Variants in GTF2I observed in about 807,000 individuals in gnomAD.
The protein encoded by GTF2I is general transcription factor II-I.
GTF2I carries 12 observed loss-of-function variants against 67.6 expected under a neutral mutation model. The observed-to-expected ratio is 0.18, with a 90% CI of 0.11 to 0.29. GTF2I has a LOEUF of 0.29. GTF2I is among the 10% of genes least tolerant of loss of function. The pLI, the probability that GTF2I is intolerant of heterozygous loss-of-function variation, is 1.00. For missense variants in GTF2I, 271 were observed against 580.1 expected, an observed-to-expected ratio of 0.47 and a Z score of 5.47; for synonymous variants, 149 against 197.0, an observed-to-expected ratio of 0.76 and a Z score of 2.04.
rs587677344 is a variant in GTF2I, at chr7:74,679,749, A to G, written c.-5-9375A>G. ...CACCACACCTGGCTGTAAAGAGGCA[A>G]TTTGGAATTTAGAGAGGGATTCTAG... On this transcript the variant is annotated intron_variant, in intron 1 of 34. Coordinates refer to ENST00000573035, the MANE Select transcript of GTF2I (RefSeq NM_032999.4). Among the ~76,000 whole-genome samples, 5 of 152,072 alleles carry G rather than the reference A, an allele frequency of 3.3e-5. No individual in the cohort carries two copies. In the South Asian group the frequency reaches 1.0e-3, roughly 32 times the overall value.
At chr7:74,692,841 CA>C (rs1788464127) in intron 3 of GTF2I, among the ~76,000 whole-genome samples, 1 of 152,132 alleles carries the variant, frequency 6.6e-6, no homozygotes, top group African/African-American at 2.4e-5. Context: ...CGGCTCACCG[CA>C]ACCTCTGCCT....
chr7:74,743,325 A>AAAAAT (rs1212846114), intron 19 of GTF2I, 124 bp from the exon 20 acceptor site: 16 of 253,646 alleles, frequency 6.3e-5, no homozygotes, highest in South Asian at 1.4e-4. Context: ...TCTGTCTCAA[A>AAAAAT]AAAATAAAAC....
chr7:74,676,503 A>G (rs868987100), intron 1 of GTF2I, among the ~76,000 whole-genome samples: 13 of 152,284 alleles, frequency 8.5e-5, no homozygotes, highest in Non-Finnish European at 8.8e-5. Context: ...CATTTTCTAT[A>G]GAAGCTACTC....
intron 3 of GTF2I, among the ~76,000 whole-genome samples, chr7:74,697,780 A>AT (rs1198062808): frequency 6.6e-6 from 1 of 151,534 alleles, no homozygotes; most frequent in Non-Finnish European, 1.5e-5. Flanking sequence ...TTTATTTTTT[A>AT]TTTTTTTGAG....
chr7:74,658,599 CG>C (rs1671776434), intron 1 of GTF2I, among the ~76,000 whole-genome samples: 1 of 149,944 alleles, frequency 6.7e-6, no homozygotes, highest in South Asian at 2.1e-4. Flanking sequence ...AGCAGACGCG[CG>C]GGATTGGCCA....
chr7:74,669,193 T>G (rs1396999505), intron 1 of GTF2I, among the ~76,000 whole-genome samples: 1 of 151,982 alleles, frequency 6.6e-6, no homozygotes, highest in African/African-American at 2.4e-5. Flanking sequence ...AAAGAATCTT[T>G]TAGTTTAGTT....
intron 3 of GTF2I, 152 bp downstream of exon 3, chr7:74,691,263 G>T (rs1235766184): frequency 1.7e-6 from 1 of 595,014 alleles, no homozygotes; most frequent in Non-Finnish European, 2.9e-6. Flanking sequence ...CTGGAGTGCA[G>T]TGGCACACTC....
intron 3 of GTF2I, 97 bp downstream of exon 3, chr7:74,691,208 CTTT>C (rs368243097): frequency 2.1e-3 from 1,374 of 654,668 alleles, no homozygotes; most frequent in East Asian, 3.1e-3. Flanking sequence ...TTCTTTCTTT[CTTT>C]TTTTTTTTTT....
chr7:74,708,992 G>A (rs998317149), intron 8 of GTF2I, among the ~76,000 whole-genome samples: 10 of 152,178 alleles, frequency 6.6e-5, no homozygotes, highest in Non-Finnish European at 1.2e-4. Context: ...AAATCCAGTC[G>A]CGAGCTATGT....
rs914174149 is a variant in GTF2I at position 74,711,249 on chromosome 7, G to A, written c.763+140G>A. ...GACATATATATTGTAATTCAGTCCC[G>A]GGGATAAAACATTTAAAAATGGGGC... On this transcript the variant is annotated intron_variant, in intron 9 of 34. Coordinates refer to ENST00000573035, the MANE Select transcript of GTF2I (RefSeq NM_032999.4). 8 of 466,150 alleles carry A rather than the reference G, an allele frequency of 1.7e-5. No homozygotes were observed. In the South Asian group the frequency reaches 1.8e-4, roughly 11 times the overall value. 28.9% of individuals were successfully genotyped at this position (466,150 alleles called of 1,614,324 possible).
chr7:74,727,194 C>T (rs1019971671), intron 12 of GTF2I: 1 of 152,154 alleles, frequency 6.6e-6, no homozygotes, highest in Non-Finnish European at 1.5e-5. Context: ...TTGATTAGCA[C>T]GGCCAGCCAG....
At chr7:74,665,164 A>C (rs1323422891) in intron 1 of GTF2I, among the ~76,000 whole-genome samples, 5 of 149,236 alleles carry the variant, frequency 3.4e-5, no homozygotes, top group Non-Finnish European at 5.9e-5. Context: ...CTGGTCTCGA[A>C]CTCCTGACCT....
chr7:74,733,898 T>C, intron 15 of GTF2I, 25 bp from the exon 16 acceptor site: 1 of 1,607,150 alleles, frequency 6.2e-7, no homozygotes, highest in Non-Finnish European at 8.5e-7. Context: ...CTAGTGATTA[T>C]TGAGTATTTA....
At chr7:74,722,388 G>A (rs1584277898) in intron 12 of GTF2I, among the ~76,000 whole-genome samples, 1 of 152,198 alleles carries the variant, frequency 6.6e-6, no homozygotes, top group African/African-American at 2.4e-5. Context: ...AAGGTGAATT[G>A]CCGTCAGGTA....
intron 1 of GTF2I, chr7:74,687,571 G>C: frequency 2.0e-6 from 2 of 983,794 alleles, no homozygotes; most frequent in Non-Finnish European, 2.4e-6. Context: ...TGTATGCTTC[G>C]TTACTTGTTG....
At chr7:74,684,460 T>G (rs1483383191) in intron 1 of GTF2I, among the ~76,000 whole-genome samples, 4 of 152,180 alleles carry the variant, frequency 2.6e-5, no homozygotes, top group Non-Finnish European at 5.9e-5. Context: ...GCCCGATGCC[T>G]CCTCTGGTGT....
At chr7:74,666,505 C>A (rs1347415656) in intron 1 of GTF2I, among the ~76,000 whole-genome samples, 1 of 141,054 alleles carries the variant, frequency 7.1e-6, no homozygotes, top group African/African-American at 2.7e-5. Flanking sequence ...TCCTCCTGTT[C>A]GTTTTCTTTC....
At chr7:74,696,789 C>T (rs1788964249) in intron 3 of GTF2I, among the ~76,000 whole-genome samples, 1 of 152,130 alleles carries the variant, frequency 6.6e-6, no homozygotes, top group Admixed American at 6.5e-5. Flanking sequence ...GCCACTGCAC[C>T]CGGCCTAATT....
chr7:74,690,399 G>T (rs1206487462), intron 2 of GTF2I, among the ~76,000 whole-genome samples: 5 of 152,072 alleles, frequency 3.3e-5, no homozygotes, highest in Admixed American at 2.6e-4. Flanking sequence ...ATTTAATCTC[G>T]TAGAAATATG....
Sources: gnomAD v4.1 joint callset for allele counts (sites outside exome capture counted in the v4.1 genomes callset) on GRCh38, gnomAD v4.1.1 for gene constraint, MANE v1.5 for transcripts, NCBI Gene and HGNC (gene_info 2026-07-23, HGNC 2026-07-21) for gene names.